Variants in PRELID2 observed in about 807,000 individuals in gnomAD.
The protein encoded by PRELID2 is PRELI domain-containing protein 2.
PRELID2 carries 25 observed loss-of-function variants against 28.4 expected under a neutral mutation model. The ratio of observed to expected loss-of-function variants is 0.88; its 90% CI spans 0.64 to 1.23. The LOEUF is 1.23. PRELID2 is among the 50% of genes most tolerant of loss of function. The pLI, the probability that PRELID2 is intolerant of heterozygous loss-of-function variation, is 0.00. For synonymous variants in PRELID2, 76 were observed against 71.6 expected, an observed-to-expected ratio of 1.06 and a Z score of -0.31; for missense variants, 201 against 214.4, an observed-to-expected ratio of 0.94 and a Z score of 0.39.
At chr5:145,693,695 G>A (rs1201351817) in intron 1 of PRELID2, among the ~76,000 whole-genome samples, 1 of 152,162 alleles carries the variant, frequency 6.6e-6, no homozygotes. Context: ...AATGGCTTGA[G>A]CCCAAGAGTT....
chr5:145,629,516 T>C (rs528610725), intron 1 of PRELID2, among the ~76,000 whole-genome samples: 2 of 152,326 alleles, frequency 1.3e-5, no homozygotes, highest in South Asian at 4.1e-4. Flanking sequence ...CAGGCAGGTC[T>C]ATGACAGGTA....
intron 5 of PRELID2, among the ~76,000 whole-genome samples, chr5:145,782,020 G>A (rs543307621): frequency 8.5e-5 from 13 of 152,138 alleles, no homozygotes; most frequent in East Asian, 1.9e-4. Context: ...CCAGCACAGC[G>A]GAGAGAACAC....
intron 1 of PRELID2, among the ~76,000 whole-genome samples, chr5:145,494,833 A>C (rs747903158): frequency 3.9e-5 from 6 of 152,270 alleles, no homozygotes; most frequent in Non-Finnish European, 8.8e-5. Context: ...AAAATGGGAG[A>C]TAACTTGTTT....
chr5:145,770,025 C>T (rs900644185), intron 5 of PRELID2, among the ~76,000 whole-genome samples: 3 of 152,162 alleles, frequency 2.0e-5, no homozygotes, highest in Non-Finnish European at 2.9e-5. Context: ...CACCTGGTGA[C>T]GTTGTAGCTG....
the PRELID2 span, among the ~76,000 whole-genome samples, chr5:145,398,814 G>C: frequency 6.6e-6 from 1 of 152,114 alleles, no homozygotes; most frequent in Admixed American, 6.6e-5. Context: ...GGAGAAGAAT[G>C]CGTGAGAGGA....
chr5:145,267,945 A>T, the PRELID2 span, among the ~76,000 whole-genome samples: 43 of 152,210 alleles, frequency 2.8e-4, no homozygotes, highest in Non-Finnish European at 5.1e-4. Context: ...TACCATTTGT[A>T]TGTCTTTTTT....
At chr5:145,816,439 T>A (rs138415972) in intron 4 of PRELID2, among the ~76,000 whole-genome samples, 11 of 152,290 alleles carry the variant, frequency 7.2e-5, no homozygotes, top group African/African-American at 2.4e-4. Context: ...ATTGATGACA[T>A]CAATTTTATC....
intron 1 of PRELID2, among the ~76,000 whole-genome samples, chr5:145,652,920 T>A (rs1031704716): frequency 1.3e-5 from 2 of 152,146 alleles, no homozygotes; most frequent in African/African-American, 4.8e-5. Context: ...TAAACGTAAA[T>A]GGGCTGAATA....
At chr5:145,649,002 C>T (rs11956386) in intron 1 of PRELID2, among the ~76,000 whole-genome samples, 5,695 of 152,062 alleles carry the variant, frequency 0.037, 331 homozygotes, top group African/African-American at 0.13. Flanking sequence ...TTGTTTTTCA[C>T]TTTTCATGCA....
At chr5:145,554,758 T>C (rs1246809872) in intron 1 of PRELID2, among the ~76,000 whole-genome samples, 1 of 152,226 alleles carries the variant, frequency 6.6e-6, no homozygotes, top group Non-Finnish European at 1.5e-5. Flanking sequence ...TCAAGAACTT[T>C]TCCTCTATTC....
chr5:145,249,511 GT>G, the PRELID2 span, among the ~76,000 whole-genome samples: 1 of 151,804 alleles, frequency 6.6e-6, no homozygotes. Flanking sequence ...CAAAATACTT[GT>G]TTTTTTCTTT....
intron 1 of PRELID2, among the ~76,000 whole-genome samples, chr5:145,483,106 G>A (rs529930715): frequency 6.6e-6 from 1 of 152,250 alleles, no homozygotes; most frequent in African/African-American, 2.4e-5. Flanking sequence ...GACTGAAGTT[G>A]TAGTAGATGA....
Position 145,822,942 on chromosome 5 carries a change from C to T in PRELID2, c.133+135G>A, listed in dbSNP as rs528516232. ...GTACAGAAATATACCTGTTTAAAAA[C>T]TAATAATGGAAGAAACTGCAGGTGA... On this transcript the variant is annotated intron_variant, in intron 2 of 6. Transcript: ENST00000683046. 5.8e-4 allele frequency: 325 copies of T among 558,466 alleles called. 1 individual carries two copies. Among genetic ancestry groups the T allele is most frequent in the Non-Finnish European group, 9.6e-4 (296 of 307,320 alleles). The allele number at this position is 558,466 out of a possible 1,614,324, so 34.6% of individuals were successfully genotyped here. A position where few individuals can be genotyped will look rare whatever the true frequency, so the allele number is the denominator to read the frequency against.
chr5:145,572,610 C>A (rs1318198894), intron 1 of PRELID2, among the ~76,000 whole-genome samples: 1 of 152,084 alleles, frequency 6.6e-6, no homozygotes, highest in Non-Finnish European at 1.5e-5. Flanking sequence ...TTCCCAATAA[C>A]TGCTACTGAC....
chr5:145,385,431 C>T, the PRELID2 span, among the ~76,000 whole-genome samples: 2 of 152,132 alleles, frequency 1.3e-5, no homozygotes, highest in South Asian at 4.1e-4. Context: ...TTGGAAGTGC[C>T]GCTCAGATGG....
chr5:145,693,207 G>A (rs1386472828), intron 1 of PRELID2, among the ~76,000 whole-genome samples: 1 of 150,750 alleles, frequency 6.6e-6, no homozygotes, highest in African/African-American at 2.5e-5. Flanking sequence ...GAATCCAGTG[G>A]TGTGATCTCA....
chr5:145,334,577 G>A, the PRELID2 span, among the ~76,000 whole-genome samples: 1,127 of 152,184 alleles, frequency 7.4e-3, 11 homozygotes, highest in Non-Finnish European at 0.011. Flanking sequence ...TTGTATCAGT[G>A]AACCTAATAC....
Position 145,808,481 on chromosome 5 carries a change from T to C in PRELID2, c.368+9413A>G, listed in dbSNP as rs186377661. Among the ~76,000 whole-genome samples, 720 of 152,320 alleles carry C rather than the reference T, an allele frequency of 4.7e-3. 8 individuals are homozygous for C. Among genetic ancestry groups the C allele is most frequent in the African/African-American group, 0.015 (611 of 41,572 alleles). On this transcript the variant is annotated intron_variant, in intron 4 of 6. Transcript: ENST00000683046. The stretch of plus-strand genomic sequence containing the variant: ...AGATGAACACTTGAGACTTAGGATG[T>C]TTTAATCCAGAAATTCAAAAATAAA...
intron 1 of PRELID2, among the ~76,000 whole-genome samples, chr5:145,476,832 A>G (rs1752106618): frequency 6.6e-6 from 1 of 152,156 alleles, no homozygotes; most frequent in Non-Finnish European, 1.5e-5. Context: ...GAGGAATGAG[A>G]AAAACAATCA....
Sources: gnomAD v4.1 joint callset for allele counts (sites outside exome capture counted in the v4.1 genomes callset) on GRCh38, gnomAD v4.1.1 for gene constraint, MANE v1.5 for transcripts, NCBI Gene and HGNC (gene_info 2026-07-23, HGNC 2026-07-21) for gene names.